Variants in TMEM161B observed in about 807,000 individuals in gnomAD.
TMEM161B encodes transmembrane protein 161B.
Under a neutral mutation model 61.8 loss-of-function variants are expected in TMEM161B, and 34 were observed. The ratio of observed to expected loss-of-function variants is 0.55; its 90% CI spans 0.42 to 0.73. The LOEUF (loss-of-function observed/expected upper bound fraction) is 0.73, where lower values mean the gene tolerates loss of function less well. Ranked by LOEUF, TMEM161B falls within the 30% of genes least tolerant of loss-of-function variation. The probability of loss-of-function intolerance (pLI) is 0.00; values close to 1 mark genes in which losing one functional copy is unlikely to be tolerated. For synonymous variants in TMEM161B, 167 were observed against 192.8 expected (o/e 0.87, Z 1.11); for missense variants, 456 against 558.5 (o/e 0.82, Z 1.85).
In TMEM161B at chr5:88,219,460, T is replaced by C. The variant is rs534338362; in HGVS notation, c.446+1103A>G. On this transcript the variant is annotated intron_variant, in intron 5 of 11. Coordinates refer to ENST00000296595, the MANE Select transcript of TMEM161B (RefSeq NM_153354.5). ...GAAATAGAGAAAAGAGTAGGGAACA[T>C]ATATAATTTTAATAAAAATAAGAAA... is the stretch of plus-strand genomic sequence containing the variant. Among the ~76,000 whole-genome samples, 150 of 152,204 alleles carry C rather than the reference T, an allele frequency of 9.9e-4. 1 individual carries two copies. Among genetic ancestry groups the C allele is most frequent in the Middle Eastern group, 3.4e-3 (1 of 294 alleles).
At chr5:88,199,371 A>T in intron 9 of TMEM161B, 1 of 384,160 alleles carries the variant, frequency 2.6e-6, no homozygotes, top group Non-Finnish European at 4.6e-6. Context: ...GTTAACAGGT[A>T]TCTAGAAGAA....
At chr5:88,203,598 G>A (rs1428900808) in intron 8 of TMEM161B, among the ~76,000 whole-genome samples, 2 of 151,446 alleles carry the variant, frequency 1.3e-5, no homozygotes, top group African/African-American at 4.9e-5. Context: ...TATGGCAGAC[G>A]GAACCTACTG....
chr5:88,205,377 T>C (rs1294547994), intron 8 of TMEM161B, among the ~76,000 whole-genome samples: 5 of 152,132 alleles, frequency 3.3e-5, no homozygotes, highest in Admixed American at 6.5e-5. Context: ...ACCTCTTACA[T>C]ACAACTTTAA....
downstream of TMEM161B, among the ~76,000 whole-genome samples, chr5:88,192,068 GC>G (rs1749008207): frequency 1.5e-4 from 1 of 6,554 alleles, no homozygotes. Flanking sequence ...TTTTAAAGAT[GC>G]AAAAAAAAAA....
downstream of TMEM161B, among the ~76,000 whole-genome samples, chr5:88,192,014 A>ATGTATATATATATG (rs1334539858): frequency 5.3e-5 from 5 of 93,788 alleles, no homozygotes; most frequent in African/African-American, 2.2e-4. Context: ...ATATATATAT[A>ATGTATATATATATG]TATATATATA....
At chr5:88,206,400 G>C (rs78706065) in intron 7 of TMEM161B, 39 bp downstream of exon 7, 32,184 of 1,477,026 alleles carry the variant, frequency 0.022, 1,691 homozygotes, top group East Asian at 0.21. Context: ...AAATAGAAAA[G>C]GTTAAATTTA....
rs138396286 is a variant in TMEM161B at position 88,197,437 on chromosome 5, T to G, written c.1186+232A>C. On this transcript the variant is annotated intron_variant, in intron 11 of 11. Coordinates refer to ENST00000296595, the MANE Select transcript of TMEM161B (RefSeq NM_153354.5). ...TACTGGGTAAATCTGAGACTTAACCTTTAGTAAACAATTCTTGAAGACAAA... is the reference window on the plus strand; with the variant it reads ...TACTGGGTAAATCTGAGACTTAACCGTTAGTAAACAATTCTTGAAGACAAA... Among the ~76,000 whole-genome samples the G allele has an allele frequency of 2.8e-4, 43 of 152,264 alleles. No homozygotes were observed. In the East Asian group the frequency reaches 8.1e-3, roughly 29 times the overall value.
intron 1 of TMEM161B, among the ~76,000 whole-genome samples, chr5:88,251,812 T>G (rs1365326999): frequency 6.6e-6 from 1 of 152,196 alleles, no homozygotes; most frequent in African/African-American, 2.4e-5. Flanking sequence ...ACATGCTGTC[T>G]ATCTAATATA....
Position 88,268,771 on chromosome 5 carries a change from A to AG in TMEM161B, c.-49dup. The AG allele has an allele frequency of 6.2e-7, 1 of 1,613,796 alleles. No individual in the cohort carries two copies. The highest frequency in any genetic ancestry group is 8.5e-7 in the Non-Finnish European group (1 of 1,179,798). On this transcript the variant is annotated 5_prime_UTR_variant, in exon 1 of 12. Coordinates refer to ENST00000296595, the MANE Select transcript of TMEM161B (RefSeq NM_153354.5). ...CCAGACACCCTGGAGTTGCCGGGGC[A>AG]GTCCCAAACCTCTTACCTCCCGGTC... is the stretch of plus-strand genomic sequence containing the variant.
intron 1 of TMEM161B, among the ~76,000 whole-genome samples, chr5:88,257,921 C>T (rs1580726584): frequency 6.6e-6 from 1 of 152,122 alleles, no homozygotes; most frequent in East Asian, 1.9e-4. Flanking sequence ...TAAAAAAGAT[C>T]TATCTCTCAG....
intron 5 of TMEM161B, among the ~76,000 whole-genome samples, chr5:88,216,875 T>C (rs879667212): frequency 6.6e-6 from 1 of 152,084 alleles, no homozygotes; most frequent in Non-Finnish European, 1.5e-5. Flanking sequence ...AGTAAATAAA[T>C]AAATATCAAC....
Position 88,196,158 on chromosome 5 carries a change from C to A in TMEM161B, c.*53G>T. On this transcript the variant is annotated 3_prime_UTR_variant, in exon 12 of 12. Coordinates refer to ENST00000296595, the MANE Select transcript of TMEM161B (RefSeq NM_153354.5). ...GGTTTTCATCAGCCCTTTAAGGGCA[C>A]AGATATTTTAATTTAAAGGGTGATT... The A allele has an allele frequency of 6.5e-7, 1 of 1,538,884 alleles. No homozygotes were observed. The highest frequency in any genetic ancestry group is 1.3e-5 in the South Asian group (1 of 76,982).
intron 5 of TMEM161B, among the ~76,000 whole-genome samples, chr5:88,214,365 T>C (rs1747422254): frequency 6.6e-6 from 1 of 152,158 alleles, no homozygotes; most frequent in Admixed American, 6.5e-5. Context: ...TCACTCTTTG[T>C]AGAATAGCTT....
chr5:88,186,502 T>A (rs981011661), downstream of TMEM161B, among the ~76,000 whole-genome samples: 3 of 152,282 alleles, frequency 2.0e-5, no homozygotes, highest in African/African-American at 7.2e-5. Context: ...CTATTTTTTT[T>A]AATTCTTTAT....
intron 8 of TMEM161B, among the ~76,000 whole-genome samples, chr5:88,204,440 T>C (rs1383198920): frequency 6.6e-6 from 1 of 152,210 alleles, no homozygotes; most frequent in Non-Finnish European, 1.5e-5. Flanking sequence ...AATGTTTTTA[T>C]AAAGTGATTC....
At chr5:88,264,920 C>T (rs1057433502) in intron 1 of TMEM161B, among the ~76,000 whole-genome samples, 8 of 151,542 alleles carry the variant, frequency 5.3e-5, no homozygotes, top group African/African-American at 1.9e-4. Flanking sequence ...ACATCACACA[C>T]TGCGGCCTGT....
At chr5:88,219,344 T>C (rs1280974119) in intron 5 of TMEM161B, among the ~76,000 whole-genome samples, 1 of 152,068 alleles carries the variant, frequency 6.6e-6, no homozygotes, top group African/African-American at 2.4e-5. Flanking sequence ...AGCTTAAAAC[T>C]AAAATCAAGG....
At position 88,206,282 on chromosome 5, in the gene TMEM161B, T is replaced by C. The variant is rs576267668; in HGVS notation, c.659+157A>G. On this transcript the variant is annotated intron_variant, in intron 7 of 11. Transcript: ENST00000296595. ...AGAATTCTATAAAAGACACTAACTT[T>C]ATATAGTCATAAAAATTATGAGTAA... 1.2e-4 allele frequency: 81 copies of C among 652,878 alleles called. No individual in the cohort carries two copies. The Middle Eastern group carries it at 2.2e-3, about 18-fold the overall frequency. The allele number at this position is 652,878 out of a possible 1,614,324, so 40.4% of individuals were successfully genotyped here.
chr5:88,210,070 G>A (rs1009601021), intron 5 of TMEM161B, among the ~76,000 whole-genome samples: 6 of 152,180 alleles, frequency 3.9e-5, no homozygotes, highest in South Asian at 2.1e-4. Flanking sequence ...TAGACCTAGA[G>A]TGTCTGGCTT....
Sources: gnomAD v4.1 joint callset for allele counts (sites outside exome capture counted in the v4.1 genomes callset) on GRCh38, gnomAD v4.1.1 for gene constraint, MANE v1.5 for transcripts, NCBI Gene and HGNC (gene_info 2026-07-23, HGNC 2026-07-21) for gene names.